The following PDS5B variants were observed in gnomAD, a reference collection of about 807,000 sequenced individuals.
PDS5B encodes sister chromatid cohesion protein PDS5 homolog B.
Under a neutral mutation model 184.1 loss-of-function variants are expected in PDS5B, and 51 were observed. The ratio of observed to expected loss-of-function variants is 0.28; its 90% CI spans 0.22 to 0.35. The LOEUF is 0.35. Ranked by LOEUF, PDS5B falls within the 10% of genes least tolerant of loss-of-function variation. The pLI is 1.00. For missense variants in PDS5B, 1,180 were observed against 1,723.3 expected (o/e 0.68, Z 5.58); for synonymous variants, 566 against 569.2 (o/e 0.99, Z 0.08).
intron 15 of PDS5B, among the ~76,000 whole-genome samples, chr13:32,698,941 GAC>G (rs1566343496): frequency 6.6e-6 from 1 of 152,078 alleles, no homozygotes; most frequent in Non-Finnish European, 1.5e-5. Flanking sequence ...TTTTAGTAGA[GAC>G]AGGGTTTCAC....
intron 9 of PDS5B, among the ~76,000 whole-genome samples, chr13:32,677,396 G>A (rs924042915): frequency 4.6e-5 from 7 of 152,006 alleles, no homozygotes; most frequent in Admixed American, 3.9e-4. Flanking sequence ...AAATCCTAAT[G>A]TAAATGTATA....
intron 34 of PDS5B, among the ~76,000 whole-genome samples, chr13:32,774,607 A>G (rs1178065411): frequency 6.6e-6 from 1 of 152,210 alleles, no homozygotes; most frequent in Non-Finnish European, 1.5e-5. Context: ...AATTGTTAAG[A>G]TCCAAACTCA....
intron 19 of PDS5B, among the ~76,000 whole-genome samples, chr13:32,728,750 G>C (rs1952997820): frequency 6.6e-6 from 1 of 152,234 alleles, no homozygotes; most frequent in Non-Finnish European, 1.5e-5. Flanking sequence ...TCTGCTACCT[G>C]TTCCCTAGTG....
At chr13:32,679,131 G>A (rs1452628845) in intron 10 of PDS5B, among the ~76,000 whole-genome samples, 1 of 150,560 alleles carries the variant, frequency 6.6e-6, no homozygotes. Flanking sequence ...TGTTGCCCAA[G>A]CTTGCTTAGA....
intron 24 of PDS5B, among the ~76,000 whole-genome samples, chr13:32,751,641 T>G (rs4942880): frequency 2.0e-5 from 3 of 152,044 alleles, no homozygotes; most frequent in African/African-American, 7.2e-5. Context: ...GCTTGTTGTC[T>G]GTGTGTATAT....
At chr13:32,598,724 TA>T in intron 1 of PDS5B, among the ~76,000 whole-genome samples, 2 of 152,016 alleles carry the variant, frequency 1.3e-5, no homozygotes, top group Middle Eastern at 6.8e-3. Flanking sequence ...TTTTCAAGGA[TA>T]TTTTTGCTGG....
intron 19 of PDS5B, among the ~76,000 whole-genome samples, chr13:32,717,251 G>T (rs1420141601): frequency 5.3e-5 from 8 of 151,620 alleles, no homozygotes; most frequent in South Asian, 2.1e-4. Context: ...AATAGAAAGG[G>T]GGGAAAGGTG....
At position 32,621,056 on chromosome 13, in the gene PDS5B, T is replaced by A. The variant is rs182994715; in HGVS notation, c.-19-27698T>A. Among the ~76,000 whole-genome samples the A allele has an allele frequency of 2.4e-3, 363 of 152,342 alleles. 1 individual carries two copies. The highest frequency in any genetic ancestry group is 8.0e-3 in the African/African-American group (332 of 41,574). On this transcript the variant is annotated intron_variant, in intron 1 of 34. Transcript: ENST00000315596. ...AGAACATTTCCATTATTGTGGAAAA[T>A]TCTGTTAGTGCTGTGGTAGAGTTGT... is the stretch of plus-strand genomic sequence containing the variant.
intron 1 of PDS5B, among the ~76,000 whole-genome samples, chr13:32,596,848 T>C (rs1464912748): frequency 3.3e-5 from 5 of 152,106 alleles, no homozygotes; most frequent in African/African-American, 1.2e-4. Flanking sequence ...TTTTTACTAT[T>C]GATATGCAGG....
At chr13:32,591,163 C>G (rs1372686205) in intron 1 of PDS5B, among the ~76,000 whole-genome samples, 1 of 151,842 alleles carries the variant, frequency 6.6e-6, no homozygotes, top group Non-Finnish European at 1.5e-5. Context: ...GAGTCTCGCT[C>G]CGTTGCCCAG....
intron 25 of PDS5B, among the ~76,000 whole-genome samples, chr13:32,755,168 A>G (rs1337767426): frequency 6.6e-6 from 1 of 152,214 alleles, no homozygotes; most frequent in Non-Finnish European, 1.5e-5. Flanking sequence ...TAGGAAATAT[A>G]AATGGAAATT....
intron 1 of PDS5B, among the ~76,000 whole-genome samples, chr13:32,634,935 T>C (rs963986326): frequency 1.2e-4 from 18 of 151,986 alleles, no homozygotes; most frequent in African/African-American, 4.1e-4. Flanking sequence ...GCTGCAGCAT[T>C]TTACATTCCC....
In PDS5B at chr13:32,631,200, C is replaced by T. The variant is rs551061794; in HGVS notation, c.-19-17554C>T. ...GTGGGATCGTGGCTCACTGTAGCCTCGACATCCCTAGGCTTAGGTGATCCT... is the reference window on the plus strand; with the variant it reads ...GTGGGATCGTGGCTCACTGTAGCCTTGACATCCCTAGGCTTAGGTGATCCT... On this transcript the variant is annotated intron_variant, in intron 1 of 34. Coordinates refer to ENST00000315596, the MANE Select transcript of PDS5B (RefSeq NM_015032.4). Among the ~76,000 whole-genome samples, 407 of 148,972 alleles carry T rather than the reference C, an allele frequency of 2.7e-3. 1 individual carries two copies. Among genetic ancestry groups the T allele is most frequent in the Admixed American group, 4.8e-3 (71 of 14,814 alleles).
intron 1 of PDS5B, among the ~76,000 whole-genome samples, chr13:32,633,241 T>C (rs2058485671): frequency 6.6e-6 from 1 of 152,180 alleles, no homozygotes; most frequent in Non-Finnish European, 1.5e-5. Flanking sequence ...ATGGTAGTGG[T>C]TGCACAATAT....
intron 18 of PDS5B, 116 bp from the exon 19 acceptor site, chr13:32,709,830 C>T: frequency 3.8e-6 from 2 of 524,462 alleles, no homozygotes; most frequent in Non-Finnish European, 3.0e-6. Flanking sequence ...AGATTTTGGT[C>T]AACATAATTT....
chr13:32,681,921 T>C (rs993486742), intron 10 of PDS5B, among the ~76,000 whole-genome samples: 2 of 152,184 alleles, frequency 1.3e-5, no homozygotes, highest in African/African-American at 4.8e-5. Context: ...AATTGCCCTA[T>C]TTGTAATATA....
chr13:32,625,261 G>A (rs1282870984), intron 1 of PDS5B, among the ~76,000 whole-genome samples: 2 of 152,042 alleles, frequency 1.3e-5, no homozygotes, highest in Admixed American at 1.3e-4. Flanking sequence ...GGACTAAAGG[G>A]TGTGAGGTGG....
chr13:32,598,291 T>A (rs1230247460), intron 1 of PDS5B, among the ~76,000 whole-genome samples: 1 of 151,998 alleles, frequency 6.6e-6, no homozygotes, highest in Non-Finnish European at 1.5e-5. Flanking sequence ...GCCAGGCTGG[T>A]CTCGAACTCC....
At chr13:32,726,594 T>G (rs1273267300) in intron 19 of PDS5B, among the ~76,000 whole-genome samples, 2 of 152,216 alleles carry the variant, frequency 1.3e-5, no homozygotes, top group Non-Finnish European at 2.9e-5. Flanking sequence ...TAGACGATGT[T>G]GTTATGAAAT....
Sources: allele counts gnomAD v4.1 joint callset (sites outside exome capture counted in the v4.1 genomes callset), GRCh38; gene constraint gnomAD v4.1.1; transcripts MANE v1.5; gene names NCBI Gene and HGNC (gene_info 2026-07-23, HGNC 2026-07-21).